Variants in SRPK1 observed in about 807,000 individuals in gnomAD.
The protein encoded by SRPK1 is SFRS protein kinase 1.
SRPK1 carries 52 observed loss-of-function variants against 89.5 expected under a neutral mutation model. The ratio of observed to expected loss-of-function variants is 0.58; its 90% CI spans 0.46 to 0.73. SRPK1 has a LOEUF of 0.73. Ranked by LOEUF, SRPK1 falls within the 30% of genes least tolerant of loss-of-function variation. The probability of loss-of-function intolerance (pLI) is 0.00; values close to 1 mark genes in which losing one functional copy is unlikely to be tolerated. For missense variants in SRPK1, 603 were observed against 780.6 expected, an observed-to-expected ratio of 0.77 and a Z score of 2.71; for synonymous variants, 255 against 270.2, an observed-to-expected ratio of 0.94 and a Z score of 0.55.
At chr6:35,870,075 G>A (rs1240464928) in intron 10 of SRPK1, among the ~76,000 whole-genome samples, 174 bp from the exon 11 acceptor site, 1 of 152,058 alleles carries the variant, frequency 6.6e-6, no homozygotes, top group Non-Finnish European at 1.5e-5. Flanking sequence ...TTACCCAATT[G>A]TTAAATGAAA....
chr6:35,883,108 G>A (rs1770331177), intron 6 of SRPK1, among the ~76,000 whole-genome samples: 1 of 152,112 alleles, frequency 6.6e-6, no homozygotes, highest in African/African-American at 2.4e-5. Flanking sequence ...CACCTGGCCA[G>A]GAAATTTTTT....
In SRPK1 at chr6:35,835,397, G is replaced by T. The variant is rs2151076395; in HGVS notation, c.1875C>A (p.Gly625=). 6.2e-7 allele frequency: 1 copy of T among 1,613,798 alleles called. No homozygotes were observed. Among genetic ancestry groups the T allele is most frequent in the Non-Finnish European group, 8.5e-7 (1 of 1,179,824 alleles). ...KYEWSQEEAA[G]FTDFLLPMLE... Reference sequence around the variant, plus strand: ...ACATGGGCAGTAAGAAATCTGTGAAGCCAGCTGCCTCTTCCTGCGACCACT... The same window carrying T: ...ACATGGGCAGTAAGAAATCTGTGAATCCAGCTGCCTCTTCCTGCGACCACT... The change falls in exon 16 of 16, where the codon GGC becomes GGA. Residue 625 remains glycine (G), a synonymous_variant. Transcript: ENST00000373825.
chr6:35,887,865 A>T (rs558241988), intron 5 of SRPK1, 159 bp downstream of exon 5: 1 of 454,188 alleles, frequency 2.2e-6, no homozygotes, highest in South Asian at 6.1e-5. Flanking sequence ...CATGCATGGT[A>T]TGTGTAAATA....
chr6:35,835,824 T>C (rs1769166321), intron 15 of SRPK1, among the ~76,000 whole-genome samples: 1 of 152,188 alleles, frequency 6.6e-6, no homozygotes, highest in Non-Finnish European at 1.5e-5. Flanking sequence ...TGGTCTTATA[T>C]GGTGTGCAGA....
chr6:35,909,202 G>A (rs927933856), intron 2 of SRPK1, among the ~76,000 whole-genome samples: 1 of 152,216 alleles, frequency 6.6e-6, no homozygotes, highest in Non-Finnish European at 1.5e-5. Flanking sequence ...CCATGAAGGA[G>A]CTGCCCAAGG....
At chr6:35,869,390 A>G in intron 11 of SRPK1, 92 bp downstream of exon 11, 2 of 1,440,548 alleles carry the variant, frequency 1.4e-6, no homozygotes, top group South Asian at 2.6e-5. Flanking sequence ...TTGTAAAGCT[A>G]TAGTTACAAA....
chr6:35,872,591 A>C lies in SRPK1; in HGVS notation c.723T>G (p.Ser241=). The change falls in exon 8 of 16, where the codon TCT becomes TCG. Residue 241 remains serine (S), a synonymous_variant. Transcript: ENST00000373825. ...CAGATCCGGAAGGCGGAGGAGCTCC[A>C]GATCGCTGCCATTCTGTTGCTTCTG... ...LAAEATEWQR[S]GAPPPSGSAV... is the part of the protein sequence containing the mutation. The C allele has an allele frequency of 2.5e-6, 4 of 1,610,078 alleles. No individual in the cohort carries two copies. Among genetic ancestry groups the C allele is most frequent in the Non-Finnish European group, 3.4e-6 (4 of 1,178,422 alleles).
chr6:35,906,470 C>T (rs9462144), intron 2 of SRPK1, among the ~76,000 whole-genome samples: 47,983 of 152,108 alleles, frequency 0.32, 7,809 homozygotes, highest in South Asian at 0.42. Flanking sequence ...AACGATCCAC[C>T]GGCCTTGGCC....
At chr6:35,836,357 G>A (rs1047437420) in intron 15 of SRPK1, among the ~76,000 whole-genome samples, 9 of 150,590 alleles carry the variant, frequency 6.0e-5, no homozygotes, top group African/African-American at 2.0e-4. Context: ...ATTGGGGACC[G>A]CTGCTCTACA....
intron 13 of SRPK1, among the ~76,000 whole-genome samples, chr6:35,849,753 A>G (rs929470839): frequency 2.0e-5 from 3 of 152,230 alleles, no homozygotes; most frequent in African/African-American, 7.2e-5. Flanking sequence ...TGAAATGTTC[A>G]GCCAGTATGT....
In SRPK1 at chr6:35,870,914, T is replaced by C; in HGVS notation, c.777+20A>G. The C allele has an allele frequency of 6.3e-7, 1 of 1,587,308 alleles. No homozygotes were observed. Among genetic ancestry groups the C allele is most frequent in the Non-Finnish European group, 8.6e-7 (1 of 1,163,924 alleles). On this transcript the variant is annotated intron_variant, in intron 9 of 15. Coordinates refer to ENST00000373825, the MANE Select transcript of SRPK1 (RefSeq NM_003137.5). The stretch of plus-strand genomic sequence containing the variant: ...ATAGTCCATAGATCAAAATTAAATA[T>C]AAAAACACCTTATACTTACTGGTTT...
Position 35,921,026 on chromosome 6 carries a change from G to C in SRPK1, c.13+18C>G, listed in dbSNP as rs923472421. 9.7e-6 allele frequency: 15 copies of C among 1,544,046 alleles called. No individual in the cohort carries two copies. The highest frequency in any genetic ancestry group is 1.4e-5 in the African/African-American group (1 of 70,494). ...GGCGACCATTGCCCCTCGTGGCGGA[G>C]GCCGCTCCACCGCTCACCTTTCCGC... On this transcript the variant is annotated intron_variant, in intron 1 of 15. Transcript: ENST00000373825.
At chr6:35,894,513 A>C (rs1404409033) in intron 2 of SRPK1, among the ~76,000 whole-genome samples, 1 of 152,202 alleles carries the variant, frequency 6.6e-6, no homozygotes, top group Non-Finnish European at 1.5e-5. Flanking sequence ...ACTTATGAAA[A>C]TAGAAGAGAT....
chr6:35,901,375 A>T (rs1770735890), intron 2 of SRPK1, among the ~76,000 whole-genome samples: 1 of 152,214 alleles, frequency 6.6e-6, no homozygotes, highest in Non-Finnish European at 1.5e-5. Flanking sequence ...TATAGAGGGA[A>T]GATGATGTGA....
In SRPK1 at chr6:35,886,655, C is replaced by T. The variant is rs138548863; in HGVS notation, c.478+69G>A. 2.5e-4 allele frequency: 239 copies of T among 953,656 alleles called. No homozygotes were observed. In the African/African-American group the frequency reaches 3.1e-3, roughly 12 times the overall value. 59.1% of individuals were successfully genotyped at this position (953,656 alleles called of 1,614,324 possible). On this transcript the variant is annotated intron_variant, in intron 6 of 15. Coordinates refer to ENST00000373825, the MANE Select transcript of SRPK1 (RefSeq NM_003137.5). Reference sequence around the variant, plus strand: ...TTAGAAAAGACACCAAGGCCATCTACACAACAAATCTAGTTCCTTTCTTTG... The same window carrying T: ...TTAGAAAAGACACCAAGGCCATCTATACAACAAATCTAGTTCCTTTCTTTG...
intron 2 of SRPK1, among the ~76,000 whole-genome samples, chr6:35,896,361 T>G (rs1233292679): frequency 6.6e-6 from 1 of 152,194 alleles, no homozygotes; most frequent in Non-Finnish European, 1.5e-5. Flanking sequence ...TGTTGTGGTG[T>G]GAGAGCAGAC....
At chr6:35,849,676 C>T (rs1769511842) in intron 13 of SRPK1, among the ~76,000 whole-genome samples, 1 of 152,068 alleles carries the variant, frequency 6.6e-6, no homozygotes, top group Non-Finnish European at 1.5e-5. Context: ...GCTCCAAAAT[C>T]CAAAACTGAC....
intron 14 of SRPK1, among the ~76,000 whole-genome samples, chr6:35,839,376 C>T (rs1769253517): frequency 6.6e-6 from 1 of 152,258 alleles, no homozygotes; most frequent in Non-Finnish European, 1.5e-5. Flanking sequence ...TAACTTGAAA[C>T]TTCAGGGCTA....
intron 14 of SRPK1, chr6:35,838,981 C>A: frequency 2.1e-6 from 1 of 477,276 alleles, no homozygotes; most frequent in Non-Finnish European, 3.3e-6. Context: ...TAGTGTCTGG[C>A]AAGTCCCATT....
Sources: allele counts gnomAD v4.1 joint callset (sites outside exome capture counted in the v4.1 genomes callset), GRCh38; gene constraint gnomAD v4.1.1; transcripts MANE v1.5; gene names NCBI Gene and HGNC (gene_info 2026-07-23, HGNC 2026-07-21).